Variants in C19orf81 observed in about 807,000 individuals in gnomAD.
C19orf81 encodes putative uncharacterized protein C19orf81.
A neutral mutation model predicts 22.1 loss-of-function variants in C19orf81; 19 were observed. The observed-to-expected ratio is 0.86, with a 90% CI of 0.60 to 1.26. The LOEUF (loss-of-function observed/expected upper bound fraction) is 1.26, where lower values mean the gene tolerates loss of function less well. C19orf81 is among the 50% of genes most tolerant of loss of function. The pLI is 0.00. For synonymous variants in C19orf81, 108 were observed against 113.1 expected (o/e 0.95, Z 0.29); for missense variants, 287 against 280.7 (o/e 1.02, Z -0.16).
chr19:50,659,061 C>T lies in C19orf81; in HGVS notation c.516C>T (p.Asp172=), dbSNP rs1398886322. The T allele has an allele frequency of 1.3e-6, 2 of 1,528,764 alleles. No individual in the cohort carries two copies. The highest frequency in any genetic ancestry group is 1.7e-6 in the Non-Finnish European group (2 of 1,143,136). 94.7% of individuals were successfully genotyped at this position (1,528,764 alleles called of 1,614,324 possible). A position where few individuals can be genotyped will look rare whatever the true frequency, so the allele number is the denominator to read the frequency against. ...GCCACGACGACCTCCTGCTGGGCGA[C>T]TACCGCCTGCACCTGCGCCGCTCCC... ...IVRHDDLLLG[D]YRLHLRRSLV... Residue 172 remains aspartate, a synonymous_variant, in exon 5 of 5, where the codon GAC becomes GAT. Transcript: ENST00000425202.
At chr19:50,650,085 C>T (rs965783060) in intron 1 of C19orf81, among the ~76,000 whole-genome samples, 1 of 152,204 alleles carries the variant, frequency 6.6e-6, no homozygotes, top group Non-Finnish European at 1.5e-5. Flanking sequence ...TTTCTCTCCT[C>T]CTACCTATCC....
At chr19:50,650,008 G>T (rs951745544) in intron 1 of C19orf81, among the ~76,000 whole-genome samples, 1 of 151,660 alleles carries the variant, frequency 6.6e-6, no homozygotes, top group South Asian at 2.1e-4. Context: ...CTCTGTCCCC[G>T]CAGCCCTGTC....
At chr19:50,654,092 T>C (rs1984940241) in intron 1 of C19orf81, among the ~76,000 whole-genome samples, 1 of 152,044 alleles carries the variant, frequency 6.6e-6, no homozygotes, top group South Asian at 2.1e-4. Flanking sequence ...TTGCTTGATG[T>C]TGGTGTTACG....
At chr19:50,653,351 A>AT (rs1179967600) in intron 1 of C19orf81, among the ~76,000 whole-genome samples, 1 of 152,008 alleles carries the variant, frequency 6.6e-6, no homozygotes, top group East Asian at 1.9e-4. Context: ...AGTGGAAAGT[A>AT]TTTTTTAAAG....
At chr19:50,655,980 G>A in intron 1 of C19orf81, 70 bp from the exon 2 acceptor site, 1 of 1,430,348 alleles carries the variant, frequency 7.0e-7, no homozygotes, top group Non-Finnish European at 9.5e-7. Flanking sequence ...AGCAATTGGT[G>A]ATGGCCATTT....
At chr19:50,653,704 A>G (rs1264292374) in intron 1 of C19orf81, among the ~76,000 whole-genome samples, 1 of 145,490 alleles carries the variant, frequency 6.9e-6, no homozygotes, top group African/African-American at 2.7e-5. Context: ...ACACACACAC[A>G]CACACACACA....
At chr19:50,652,779 C>T (rs558931774) in intron 1 of C19orf81, among the ~76,000 whole-genome samples, 29 of 152,232 alleles carry the variant, frequency 1.9e-4, no homozygotes, top group Non-Finnish European at 3.7e-4. Context: ...ATGTCAAAAT[C>T]CTGCCTTGCT....
chr19:50,653,091 G>A (rs1456340760), intron 1 of C19orf81, among the ~76,000 whole-genome samples: 1 of 152,200 alleles, frequency 6.6e-6, no homozygotes, highest in East Asian at 1.9e-4. Context: ...AGGATGCAGT[G>A]CAGTGGCACG....
intron 1 of C19orf81, among the ~76,000 whole-genome samples, chr19:50,654,854 A>G (rs1984960091): frequency 1.3e-5 from 2 of 152,176 alleles, no homozygotes. Flanking sequence ...TCAGCTGGTC[A>G]AGAACCAGAA....
At position 50,659,180 on chromosome 19, in the gene C19orf81, C is replaced by A; in HGVS notation, c.*38C>A. On this transcript the variant is annotated 3_prime_UTR_variant, in exon 5 of 5. Transcript: ENST00000425202. ...CCCCGGCAGCGCTTGCGCACCGCCC[C>A]GCGGGCTGGGGCCACCCACCCGGAG... The A allele has an allele frequency of 7.8e-7, 1 of 1,277,480 alleles. No individual in the cohort carries two copies. Among genetic ancestry groups the A allele is most frequent in the South Asian group, 2.6e-5 (1 of 39,114 alleles). The allele number at this position is 1,277,480 out of a possible 1,614,324, so 79.1% of individuals were successfully genotyped here.
chr19:50,658,332 C>T (rs1013501560), intron 4 of C19orf81, among the ~76,000 whole-genome samples: 3 of 120,924 alleles, frequency 2.5e-5, no homozygotes, highest in African/African-American at 9.9e-5. Flanking sequence ...TAGATAAGAG[C>T]GTGGTTGGTG....
At chr19:50,655,968 C>G in intron 1 of C19orf81, 82 bp from the exon 2 acceptor site, 3 of 1,342,018 alleles carry the variant, frequency 2.2e-6, no homozygotes, top group Non-Finnish European at 3.1e-6. Flanking sequence ...GTGGCATGGG[C>G]AAGCAATTGG....
chr19:50,655,119 AT>A (rs1281340367), intron 1 of C19orf81, among the ~76,000 whole-genome samples: 1 of 152,214 alleles, frequency 6.6e-6, no homozygotes, highest in Non-Finnish European at 1.5e-5. Flanking sequence ...GCATGGTCAC[AT>A]GGCCACACTT....
rs542605854 is a variant in C19orf81, at chr19:50,656,062, T to C, written c.80T>C (p.Met27Thr). The C allele has an allele frequency of 5.3e-5, 81 of 1,536,148 alleles. No individual in the cohort carries two copies. In the African/African-American group the frequency reaches 1.0e-3, roughly 20 times the overall value. ...TCTCTGTCCTCAGGAGCCCTCCTTA[T>C]GGACCTGGAGACCCCAGAGGAGATG... ...TMHRKAGALLMDLETPEEMQA... is the reference protein window; with the variant it reads ...TMHRKAGALLTDLETPEEMQA... The change falls in exon 2 of 5, where the codon ATG (methionine) becomes ACG (threonine). Residue 27 changes from methionine to threonine, a missense_variant. Coordinates refer to ENST00000425202, the MANE Select transcript of C19orf81 (RefSeq NM_001195076.2).
At chr19:50,653,607 G>T (rs79033744) in intron 1 of C19orf81, among the ~76,000 whole-genome samples, 8,014 of 151,356 alleles carry the variant, frequency 0.053, 438 homozygotes, top group African/African-American at 0.14. Flanking sequence ...AGAGCCCGTT[G>T]TGAAACATAT....
intron 1 of C19orf81, 118 bp from the exon 2 acceptor site, chr19:50,655,932 C>T (rs4801843): frequency 0.88 from 840,940 of 955,742 alleles, 370,702 homozygotes; most frequent in Middle Eastern, 0.9. Flanking sequence ...AGTAACTCAA[C>T]ATCTGGCATA....
At chr19:50,650,828 C>G (rs1443705626) in intron 1 of C19orf81, among the ~76,000 whole-genome samples, 1 of 152,226 alleles carries the variant, frequency 6.6e-6, no homozygotes, top group Non-Finnish European at 1.5e-5. Flanking sequence ...CTTTAGGTCT[C>G]TTTTAGTGCT....
At chr19:50,649,693 C>T (rs1480680258) in intron 1 of C19orf81, 182 bp downstream of exon 1, 8 of 720,586 alleles carry the variant, frequency 1.1e-5, no homozygotes, top group Admixed American at 2.0e-5. Flanking sequence ...AACTACATTT[C>T]CCATGAGCCT....
At chr19:50,651,397 G>C (rs1984875857) in intron 1 of C19orf81, among the ~76,000 whole-genome samples, 1 of 152,008 alleles carries the variant, frequency 6.6e-6, no homozygotes, top group East Asian at 1.9e-4. Context: ...CCTCTAGAGA[G>C]CCTTCCCTGA....
Sources: allele counts gnomAD v4.1 joint callset (sites outside exome capture counted in the v4.1 genomes callset), GRCh38; gene constraint gnomAD v4.1.1; transcripts MANE v1.5; gene names NCBI Gene and HGNC (gene_info 2026-07-23, HGNC 2026-07-21).